The following OXNAD1 variants were observed in gnomAD, a reference collection of about 807,000 sequenced individuals.
OXNAD1 encodes oxidoreductase NAD binding domain containing 1.
Under a neutral mutation model 32.9 loss-of-function variants are expected in OXNAD1, and 34 were observed. The observed-to-expected ratio is 1.03, with a 90% CI of 0.79 to 1.38. OXNAD1 has a LOEUF of 1.38. Among genes scored for constraint, OXNAD1 ranks in the 40% most tolerant of loss-of-function variants. OXNAD1 has a pLI of 0.00. For missense variants in OXNAD1, 407 were observed against 379.4 expected, an observed-to-expected ratio of 1.07 and a Z score of -0.60; for synonymous variants, 134 against 135.2, an observed-to-expected ratio of 0.99 and a Z score of 0.06.
At chr3:16,273,860 T>G (rs2065137664) in intron 4 of OXNAD1, among the ~76,000 whole-genome samples, 1 of 152,248 alleles carries the variant, frequency 6.6e-6, no homozygotes, top group African/African-American at 2.4e-5. Context: ...TTTTCAAATT[T>G]GTGTGGATAT....
Position 16,332,451 on chromosome 3 carries a change from A to G in OXNAD1, c.*31-4661A>G, listed in dbSNP as rs372844522. Among the ~76,000 whole-genome samples, 11 of 148,542 alleles carry G rather than the reference A, an allele frequency of 7.4e-5. 1 individual carries two copies. The highest frequency in any genetic ancestry group is 2.0e-4 in the East Asian group (1 of 5,098). On this transcript the variant is annotated intron_variant, in intron 9 of 9. Transcript: ENST00000435829. ...TTTTACAGCATCTTGTTTTTGCTTC[A>G]TGGATACATTTATTTTATCTCTTTA...
At position 16,335,991 on chromosome 3, in the gene OXNAD1, C is replaced by T. The variant is rs1228257632; in HGVS notation, c.*31-1121C>T. Among the ~76,000 whole-genome samples the T allele has an allele frequency of 6.6e-6, 1 of 152,164 alleles. No homozygotes were observed. The highest frequency in any genetic ancestry group is 1.5e-5 in the Non-Finnish European group (1 of 68,030). On this transcript the variant is annotated intron_variant, in intron 9 of 9. Coordinates refer to the OXNAD1 transcript ENST00000435829. The surrounding 1 kb of genome is among the most constrained non-coding windows in gnomAD (Gnocchi z 4.7). ...TGGCGCCTTCTCAGGGCTGCCTGGG[C>T]CCTGCTCAGCACACGCTGGCTATAG... is the stretch of plus-strand genomic sequence containing the variant.
chr3:16,317,360 C>T lies in OXNAD1; in HGVS notation c.*30+13768C>T. ...CATACAATTCCCAGCATCCCCCAGCCAGGCAGTACAGGCACCAAACTTGAA... is the reference window on the plus strand; with the variant it reads ...CATACAATTCCCAGCATCCCCCAGCTAGGCAGTACAGGCACCAAACTTGAA... On this transcript the variant is annotated intron_variant, in intron 9 of 9. Coordinates refer to the OXNAD1 transcript ENST00000435829. The surrounding 1 kb of genome is among the most constrained non-coding windows in gnomAD (Gnocchi z 4.3). 1 of 919,206 alleles carries T rather than the reference C, an allele frequency of 1.1e-6. No individual in the cohort carries two copies. Among genetic ancestry groups the T allele is most frequent in the Admixed American group, 2.6e-5 (1 of 38,606 alleles). 56.9% of individuals were successfully genotyped at this position (919,206 alleles called of 1,614,324 possible).
chr3:16,326,748 T>C (rs866617003), intron 9 of OXNAD1: 1 of 1,548,642 alleles, frequency 6.5e-7, no homozygotes, highest in Middle Eastern at 1.7e-4. Context: ...TTCAATAGAA[T>C]CCTAATGATT....
chr3:16,265,223 G>C lies in OXNAD1; in HGVS notation c.-441G>C, dbSNP rs1014027282. 5 of 289,286 alleles carry C rather than the reference G, an allele frequency of 1.7e-5. No individual in the cohort carries two copies. Among genetic ancestry groups the C allele is most frequent in the Admixed American group, 9.6e-5 (2 of 20,822 alleles). 17.9% of individuals were successfully genotyped at this position (289,286 alleles called of 1,614,324 possible). ...TCTGGGACCGCGGAGTATTCCAGGC[G>C]CCTGCAACTAAACGTGGCCGGGTCT... On this transcript the variant is annotated 5_prime_UTR_variant, in exon 1 of 9. Coordinates refer to ENST00000285083, the MANE Select transcript of OXNAD1 (RefSeq NM_138381.5). The surrounding 1 kb of genome is among the most constrained non-coding windows in gnomAD (Gnocchi z 4.8).
rs1310587047 is a variant in OXNAD1, at chr3:16,312,410, A to T, written c.*30+8818A>T. 6.6e-6 allele frequency among the ~76,000 whole-genome samples: 1 copy of T among 152,192 alleles called. No homozygotes were observed. Among genetic ancestry groups the T allele is most frequent in the Non-Finnish European group, 1.5e-5 (1 of 68,042 alleles). On this transcript the variant is annotated intron_variant, in intron 9 of 9. Transcript: ENST00000435829. This position sits in a 1 kb window ranked among gnomAD's most constrained non-coding sequence, Gnocchi z 4.7. ...CAGCACTTCCAGCAGGGCTCTTGGA[A>T]ACAAGATCTGTGGCAACAACTGGGA... is the stretch of plus-strand genomic sequence containing the variant.
In OXNAD1 at chr3:16,301,553, T is replaced by C; in HGVS notation, c.433-73T>C. The C allele has an allele frequency of 6.5e-7, 1 of 1,548,722 alleles. No homozygotes were observed. The highest frequency in any genetic ancestry group is 8.8e-7 in the Non-Finnish European group (1 of 1,136,346). On this transcript the variant is annotated intron_variant, in intron 6 of 8. Coordinates refer to ENST00000285083, the MANE Select transcript of OXNAD1 (RefSeq NM_138381.5). This position sits in a 1 kb window ranked among gnomAD's most constrained non-coding sequence, Gnocchi z 4.1. ...TGATAATACAGGAGATAGACCCAGTTTTATTAAAGTAGAACATTTGGTTTA... is the reference window on the plus strand; with the variant it reads ...TGATAATACAGGAGATAGACCCAGTCTTATTAAAGTAGAACATTTGGTTTA...
Position 16,317,961 on chromosome 3 carries a change from G to A in OXNAD1, c.*30+14369G>A, listed in dbSNP as rs943961499. 3.9e-5 allele frequency among the ~76,000 whole-genome samples: 6 copies of A among 152,122 alleles called. No individual in the cohort carries two copies. Among genetic ancestry groups the A allele is most frequent in the South Asian group, 2.1e-4 (1 of 4,820 alleles). The stretch of plus-strand genomic sequence containing the variant: ...CACAGCCCAAATTCTCCCTCTGCCC[G>A]CTACTGTACCGACAAGTGTTCTAAG... On this transcript the variant is annotated intron_variant, in intron 9 of 9. Coordinates refer to the OXNAD1 transcript ENST00000435829. This position sits in a 1 kb window ranked among gnomAD's most constrained non-coding sequence, Gnocchi z 4.3.
Position 16,271,480 on chromosome 3 carries a change from A to G in OXNAD1, c.120-179A>G, listed in dbSNP as rs577122335. On this transcript the variant is annotated intron_variant, in intron 3 of 8. Coordinates refer to ENST00000285083, the MANE Select transcript of OXNAD1 (RefSeq NM_138381.5). The surrounding 1 kb of genome is among the most constrained non-coding windows in gnomAD (Gnocchi z 4.6). ...CGGCCTCCCAAAGTGCTGAGATTAC[A>G]GGCATGAGCCACCATGCCCGGCCAA... 1.1e-4 allele frequency among the ~76,000 whole-genome samples: 16 copies of G among 152,364 alleles called. No homozygotes were observed. The highest frequency in any genetic ancestry group is 4.6e-4 in the Admixed American group (7 of 15,304).
rs891797461 is a variant in OXNAD1, at chr3:16,280,980, G to A, written c.184-5362G>A. Among the ~76,000 whole-genome samples, 1 of 152,096 alleles carries A rather than the reference G, an allele frequency of 6.6e-6. No homozygotes were observed. Among genetic ancestry groups the A allele is most frequent in the African/African-American group, 2.4e-5 (1 of 41,402 alleles). ...TTGAGGTTTCAGTTGTGAATCTTTC[G>A]ATCCATTAAGTATAAGAGCCAATAC... On this transcript the variant is annotated intron_variant, in intron 4 of 8. Transcript: ENST00000285083. This position sits in a 1 kb window ranked among gnomAD's most constrained non-coding sequence, Gnocchi z 4.5.
chr3:16,348,851 A>G lies in OXNAD1; in HGVS notation c.*31-325A>G, dbSNP rs1211412693. ...GCAGGAGGACTGGTTTTGGTCCAAT[A>G]GCCCATCATCTCTGTGTCCTGCCAC... On this transcript the variant is annotated intron_variant, in intron 9 of 9. Coordinates refer to the OXNAD1 transcript ENST00000606098. This position sits in a 1 kb window ranked among gnomAD's most constrained non-coding sequence, Gnocchi z 6.3. 6.6e-6 allele frequency among the ~76,000 whole-genome samples: 1 copy of G among 152,224 alleles called. No individual in the cohort carries two copies. The highest frequency in any genetic ancestry group is 6.5e-5 in the Admixed American group (1 of 15,276).
chr3:16,269,025 G>T, intron 1 of OXNAD1, 101 bp from the exon 2 acceptor site: 1 of 1,068,316 alleles, frequency 9.4e-7, no homozygotes, highest in Non-Finnish European at 1.2e-6. Flanking sequence ...GTGAGGTGAT[G>T]CCTACTGATT....
At position 16,299,044 on chromosome 3, in the gene OXNAD1, A is replaced by G. The variant is rs2066998795; in HGVS notation, c.433-2582A>G. 6.6e-6 allele frequency among the ~76,000 whole-genome samples: 1 copy of G among 152,198 alleles called. No individual in the cohort carries two copies. Among genetic ancestry groups the G allele is most frequent in the African/African-American group, 2.4e-5 (1 of 41,454 alleles). The stretch of plus-strand genomic sequence containing the variant: ...GGATAAGACAGGCTTCTTGAATATT[A>G]TCTTTCCCTGGGGCACATTTTCTTG... On this transcript the variant is annotated intron_variant, in intron 6 of 8. Transcript: ENST00000285083. The surrounding 1 kb of genome is among the most constrained non-coding windows in gnomAD (Gnocchi z 4.4).
At position 16,277,787 on chromosome 3, in the gene OXNAD1, GACTGTA is replaced by G. The variant is rs2065455813; in HGVS notation, c.183+6073_183+6078del. ...TATGATGTTTATGCTTCTTACTTGG[GACTGTA>G]ACTGTAAGTAGTCTGAGATTGTGCT... On this transcript the variant is annotated intron_variant, in intron 4 of 8. Transcript: ENST00000285083. This position sits in a 1 kb window ranked among gnomAD's most constrained non-coding sequence, Gnocchi z 4.3. Among the ~76,000 whole-genome samples the G allele has an allele frequency of 1.3e-5, 2 of 152,196 alleles. No homozygotes were observed. The highest frequency in any genetic ancestry group is 1.5e-5 in the Non-Finnish European group (1 of 68,036).
chr3:16,339,949 G>A (rs1315003094), downstream of OXNAD1: 1 of 152,218 alleles, frequency 6.6e-6, no homozygotes, highest in Non-Finnish European at 1.5e-5. Flanking sequence ...TGCCTAAAAT[G>A]AGACATGAGT....
rs903931378 is a variant in OXNAD1 at position 16,322,633 on chromosome 3, CAG to C, written c.*31-14478_*31-14477del. Among the ~76,000 whole-genome samples the C allele has an allele frequency of 6.6e-6, 1 of 152,180 alleles. No individual in the cohort carries two copies. Among genetic ancestry groups the C allele is most frequent in the Admixed American group, 6.5e-5 (1 of 15,286 alleles). ...CTCAGGAAAAGCACCACAGGCTGCT[CAG>C]GGTGGGGTGGGAAGCATCAGAATCA... On this transcript the variant is annotated intron_variant, in intron 9 of 9. Transcript: ENST00000435829. This position sits in a 1 kb window ranked among gnomAD's most constrained non-coding sequence, Gnocchi z 6.2.
chr3:16,279,196 C>T (rs1213402444), intron 4 of OXNAD1, among the ~76,000 whole-genome samples: 1 of 152,174 alleles, frequency 6.6e-6, no homozygotes, highest in African/African-American at 2.4e-5. Flanking sequence ...TGGAGAGAAA[C>T]CTCAGGCACT....
rs2067210803 is a variant in OXNAD1, at chr3:16,301,857, C to T, written c.664C>T (p.Leu222Phe). Residue 222 changes from leucine to phenylalanine, a missense_variant, in exon 7 of 9, where the codon CTC becomes TTC. Leu to Phe is a conservative substitution (Grantham distance 22). Transcript: ENST00000285083. The surrounding 1 kb of genome is among the most constrained non-coding windows in gnomAD (Gnocchi z 4.1). ...CTACAGTGCAAAAAATACCAGCGAA[C>T]TCCTGTTTAAGGTAAGGGAGGTATA... ...LFYSAKNTSE[L>F]LFKKNILDLV... 4.3e-6 allele frequency: 7 copies of T among 1,613,888 alleles called. No individual in the cohort carries two copies. The highest frequency in any genetic ancestry group is 5.1e-6 in the Non-Finnish European group (6 of 1,179,810).
downstream of OXNAD1, among the ~76,000 whole-genome samples, chr3:16,310,915 G>GGGAGGT (rs1300102850): frequency 1.3e-5 from 2 of 150,942 alleles, no homozygotes; most frequent in Non-Finnish European, 2.9e-5. Flanking sequence ...GCTTGAACCT[G>GGGAGGT]GGAGGTGGAG....
Sources: gnomAD v4.1 joint callset for allele counts (sites outside exome capture counted in the v4.1 genomes callset) on GRCh38, gnomAD v4.1.1 for gene constraint, Gnocchi (gnomAD v3.1) non-coding constraint, MANE v1.5 for transcripts, NCBI Gene and HGNC (gene_info 2026-07-23, HGNC 2026-07-21) for gene names.